LYRM4: variants seen among roughly 807,000 people sequenced by gnomAD.
LYRM4 encodes LYR motif containing 4.
A neutral mutation model predicts 11.7 loss-of-function variants in LYRM4; 9 were observed. The observed-to-expected ratio is 0.77, with a 90% CI of 0.46 to 1.34. The LOEUF (loss-of-function observed/expected upper bound fraction) is 1.34. Among genes scored for constraint, LYRM4 ranks in the 40% most tolerant of loss-of-function variants. The pLI is 0.00. For missense variants in LYRM4, 133 were observed against 112.5 expected, an observed-to-expected ratio of 1.18 and a Z score of -0.82; for synonymous variants, 42 against 40.4, an observed-to-expected ratio of 1.04 and a Z score of -0.15.
the LYRM4 span, among the ~76,000 whole-genome samples, chr6:5,065,591 C>A: frequency 1.2e-4 from 18 of 152,204 alleles, no homozygotes; most frequent in Non-Finnish European, 2.2e-4. Flanking sequence ...TTGAAGTTTT[C>A]ACTTTATTCA....
At chr6:5,227,738 T>TCCA (rs1208229762) in intron 1 of LYRM4, among the ~76,000 whole-genome samples, 1 of 152,176 alleles carries the variant, frequency 6.6e-6, no homozygotes, top group East Asian at 1.9e-4. Flanking sequence ...CCAACCCAAA[T>TCCA]GCTCATCAGT....
chr6:5,053,925 C>A, the LYRM4 span, among the ~76,000 whole-genome samples: 1 of 152,156 alleles, frequency 6.6e-6, no homozygotes, highest in African/African-American at 2.4e-5. Context: ...AAGAGGCTCC[C>A]AGAATGTATT....
intron 1 of LYRM4, among the ~76,000 whole-genome samples, chr6:5,219,834 G>C (rs184135655): frequency 6.6e-6 from 1 of 152,222 alleles, no homozygotes; most frequent in African/African-American, 2.4e-5. Context: ...TGGCAGCTAG[G>C]TGCTACACAA....
intron 2 of LYRM4, among the ~76,000 whole-genome samples, chr6:5,149,243 C>T (rs1201962517): frequency 6.6e-6 from 1 of 152,196 alleles, no homozygotes; most frequent in Non-Finnish European, 1.5e-5. Context: ...CTGAAAGAAG[C>T]CCCGACACGT....
At chr6:5,228,741 C>T (rs941577025) in intron 1 of LYRM4, among the ~76,000 whole-genome samples, 3 of 151,670 alleles carry the variant, frequency 2.0e-5, no homozygotes, top group African/African-American at 7.3e-5. Flanking sequence ...TGGCTCATGC[C>T]TGTAATCCCA....
the LYRM4 span, among the ~76,000 whole-genome samples, chr6:5,040,360 C>G: frequency 0.055 from 1,984 of 35,998 alleles, 32 homozygotes; most frequent in Middle Eastern, 0.13. Context: ...TAGATACATA[C>G]ATACATACAT....
rs745353614 is a variant in LYRM4 at position 5,109,462 on chromosome 6, G to C, written c.237C>G (p.Asp79Glu). 6.2e-7 allele frequency: 1 copy of C among 1,614,116 alleles called. No individual in the cohort carries two copies. Among genetic ancestry groups the C allele is most frequent in the South Asian group, 1.1e-5 (1 of 91,082 alleles). ...TGTCTCGATTCTCAATGATCAGCTT[G>C]TCAGTTGAATACAGTTGGCCAATGT... ...QVHIGQLYST[D>E]KLIIENRDMP... Residue 79 changes from aspartate to glutamate, a missense_variant, in exon 3 of 3, where the codon GAC becomes GAG. By Grantham distance (45) the Asp-to-Glu change is conservative (BLOSUM62 2). Transcript: ENST00000330636.
At chr6:5,053,839 C>T in the LYRM4 span, among the ~76,000 whole-genome samples, 1 of 152,156 alleles carries the variant, frequency 6.6e-6, no homozygotes, top group African/African-American at 2.4e-5. Flanking sequence ...ACCTATCAAG[C>T]ATATATACAT....
chr6:5,147,640 TGAAGGAAGAC>T, intron 2 of LYRM4, among the ~76,000 whole-genome samples: 1 of 152,350 alleles, frequency 6.6e-6, no homozygotes, highest in East Asian at 1.9e-4. Context: ...TTTTCATCTT[TGAAGGAAGAC>T]AGGAAACAGG....
intron 1 of LYRM4, among the ~76,000 whole-genome samples, chr6:5,251,924 A>G (rs1764447708): frequency 6.6e-6 from 1 of 152,216 alleles, no homozygotes; most frequent in South Asian, 2.1e-4. Context: ...CTGGATTGCG[A>G]CTGGTAATAT....
At chr6:5,239,645 A>C (rs546289944) in intron 1 of LYRM4, among the ~76,000 whole-genome samples, 207 of 152,298 alleles carry the variant, frequency 1.4e-3, no homozygotes, top group African/African-American at 4.8e-3. Flanking sequence ...GATACAATGA[A>C]GGAAAGTGAC....
intron 1 of LYRM4, among the ~76,000 whole-genome samples, chr6:5,250,139 T>G (rs946548280): frequency 6.6e-6 from 1 of 152,162 alleles, no homozygotes; most frequent in African/African-American, 2.4e-5. Flanking sequence ...ATTCTCTATC[T>G]TTATTTTCTC....
chr6:5,101,893 G>A (rs1008203619), downstream of LYRM4, among the ~76,000 whole-genome samples: 1 of 150,054 alleles, frequency 6.7e-6, no homozygotes, highest in African/African-American at 2.4e-5. Context: ...GGCTCAAGTG[G>A]TCCTCCTGCC....
rs1316809168 is a variant in LYRM4 at position 5,151,083 on chromosome 6, A to AT, written c.208-41593_208-41592insA. 1.8e-3 allele frequency among the ~76,000 whole-genome samples: 182 copies of AT among 99,686 alleles called. 3 individuals are homozygous for AT. The South Asian group carries it at 0.04, about 22-fold the overall frequency. 65.4% of individuals were successfully genotyped at this position (99,686 alleles called of 152,430 possible). On this transcript the variant is annotated intron_variant, in intron 2 of 2. Coordinates refer to ENST00000330636, the MANE Select transcript of LYRM4 (RefSeq NM_020408.6). The stretch of plus-strand genomic sequence containing the variant: ...TCCAAAATGCCTTTTGTTTGTTTTG[A>AT]ATTTTTTTTTTTTTTTTTTGCAACG...
In LYRM4 at chr6:5,229,003, C is replaced by CAAA. The variant is rs70974180; in HGVS notation, c.87-12268_87-12266dup. ...TGGGCGACGGAGCGAGGCTCAGTCTCAAAAAAAAAAAAAAAAAAAAAAAGA... is the reference window on the plus strand; with the variant it reads ...TGGGCGACGGAGCGAGGCTCAGTCTCAAAAAAAAAAAAAAAAAAAAAAAAAAGA... On this transcript the variant is annotated intron_variant, in intron 1 of 2. Coordinates refer to ENST00000330636, the MANE Select transcript of LYRM4 (RefSeq NM_020408.6). 3.8e-3 allele frequency among the ~76,000 whole-genome samples: 143 copies of CAAA among 37,902 alleles called. 8 individuals are homozygous for CAAA. Among genetic ancestry groups the CAAA allele is most frequent in the African/African-American group, 0.013 (113 of 8,860 alleles). The allele number at this position is 37,902 out of a possible 152,430, so 24.9% of individuals were successfully genotyped here. A position where few individuals can be genotyped will look rare whatever the true frequency, so the allele number is the denominator to read the frequency against.
At chr6:5,225,078 G>A (rs1283663319) in intron 1 of LYRM4, among the ~76,000 whole-genome samples, 1 of 151,800 alleles carries the variant, frequency 6.6e-6, no homozygotes, top group Non-Finnish European at 1.5e-5. Flanking sequence ...GAGAAACCCC[G>A]TCTCTACTAA....
the LYRM4 span, among the ~76,000 whole-genome samples, chr6:5,051,939 T>C: frequency 6.6e-6 from 1 of 152,160 alleles, no homozygotes; most frequent in Non-Finnish European, 1.5e-5. Context: ...TGGGAGCTAA[T>C]AGACTGAGAA....
intron 1 of LYRM4, among the ~76,000 whole-genome samples, chr6:5,250,428 A>G (rs1408543014): frequency 6.6e-6 from 1 of 152,170 alleles, no homozygotes; most frequent in East Asian, 1.9e-4. Context: ...TTCTCAATCT[A>G]AATATCTTAA....
chr6:5,216,880 G>T, intron 1 of LYRM4, 142 bp from the exon 2 acceptor site: 1 of 1,004,114 alleles, frequency 1.0e-6, no homozygotes, highest in Non-Finnish European at 1.4e-6. Context: ...TGCTCGTGGC[G>T]CAGGCTGATC....
Sources: gnomAD v4.1 joint callset for allele counts (sites outside exome capture counted in the v4.1 genomes callset) on GRCh38, gnomAD v4.1.1 for gene constraint, MANE v1.5 for transcripts, NCBI Gene and HGNC (gene_info 2026-07-23, HGNC 2026-07-21) for gene names.